ZNF385D: variants seen among roughly 807,000 people sequenced by gnomAD.
The protein encoded by ZNF385D is zinc finger protein 659.
A neutral mutation model predicts 35.8 loss-of-function variants in ZNF385D; 15 were observed. The observed-to-expected ratio is 0.42, with a 90% CI of 0.28 to 0.64. The LOEUF is 0.64. ZNF385D is among the 30% of genes least tolerant of loss of function. The pLI, the probability that ZNF385D is intolerant of heterozygous loss-of-function variation, is 0.23. For missense variants in ZNF385D, 474 were observed against 494.6 expected, an observed-to-expected ratio of 0.96 and a Z score of 0.39; for synonymous variants, 212 against 186.8, an observed-to-expected ratio of 1.13 and a Z score of -1.10.
At chr3:21,866,996 A>G (rs560135193) in intron 3 of ZNF385D, among the ~76,000 whole-genome samples, 3 of 152,212 alleles carry the variant, frequency 2.0e-5, no homozygotes, top group East Asian at 1.9e-4. Context: ...ATAACAGAAC[A>G]CCTGACACTT....
At chr3:21,573,353 A>T (rs954091131) in intron 2 of ZNF385D, among the ~76,000 whole-genome samples, 21 of 151,580 alleles carry the variant, frequency 1.4e-4, no homozygotes, top group African/African-American at 3.9e-4. Context: ...AAAATTTAAA[A>T]TAACAAGATT....
intron 1 of ZNF385D, among the ~76,000 whole-genome samples, chr3:21,703,565 A>G (rs1008021734): frequency 3.3e-5 from 5 of 152,082 alleles, no homozygotes; most frequent in African/African-American, 9.7e-5. Context: ...CAGTTTCAGC[A>G]CGCCATTTAT....
intron 3 of ZNF385D, among the ~76,000 whole-genome samples, chr3:21,839,150 C>T (rs566795985): frequency 6.6e-6 from 1 of 152,222 alleles, no homozygotes; most frequent in South Asian, 2.1e-4. Flanking sequence ...GTCTTTCTAA[C>T]TCCAAGCCTT....
chr3:22,349,938 A>T (rs144536923), intron 2 of ZNF385D, among the ~76,000 whole-genome samples: 1 of 152,206 alleles, frequency 6.6e-6, no homozygotes, highest in Non-Finnish European at 1.5e-5. Flanking sequence ...GCAAAAGATT[A>T]CAAGTGTGAA....
At chr3:21,554,181 TA>T (rs1405223750) in intron 3 of ZNF385D, among the ~76,000 whole-genome samples, 1 of 152,124 alleles carries the variant, frequency 6.6e-6, no homozygotes, top group Non-Finnish European at 1.5e-5. Context: ...ATATATTTCT[TA>T]AATAATAAGA....
chr3:21,988,582 C>T (rs1297039216), intron 3 of ZNF385D, among the ~76,000 whole-genome samples: 4 of 150,590 alleles, frequency 2.7e-5, no homozygotes, highest in Non-Finnish European at 5.9e-5. Context: ...AGCTGTCAGA[C>T]AGGGACATTT....
intron 1 of ZNF385D, among the ~76,000 whole-genome samples, chr3:21,738,093 A>G (rs1388812825): frequency 6.6e-6 from 1 of 152,222 alleles, no homozygotes; most frequent in African/African-American, 2.4e-5. Flanking sequence ...TCTCAGCCTC[A>G]GGCCCCACCT....
chr3:22,319,060 A>G (rs1470228469), intron 2 of ZNF385D, among the ~76,000 whole-genome samples: 1 of 152,174 alleles, frequency 6.6e-6, no homozygotes. Flanking sequence ...CATTTCATAA[A>G]ATATATCAAA....
At chr3:21,756,953 T>A (rs541399969) in intron 3 of ZNF385D, among the ~76,000 whole-genome samples, 2 of 152,254 alleles carry the variant, frequency 1.3e-5, no homozygotes, top group South Asian at 4.1e-4. Flanking sequence ...ATGACCAAAT[T>A]CTTACTTGAT....
intron 3 of ZNF385D, among the ~76,000 whole-genome samples, chr3:22,110,678 A>G (rs1702473842): frequency 6.6e-6 from 1 of 151,888 alleles, no homozygotes; most frequent in South Asian, 2.1e-4. Context: ...TTGGAGATAC[A>G]CCTAATGTTA....
intron 2 of ZNF385D, among the ~76,000 whole-genome samples, chr3:22,226,494 C>T (rs1021932816): frequency 6.6e-6 from 1 of 152,118 alleles, no homozygotes; most frequent in African/African-American, 2.4e-5. Flanking sequence ...TTTTGTTCTC[C>T]TATCTATAGG....
Position 21,864,241 on chromosome 3 carries a change from G to T in ZNF385D, c.326-199213C>A, listed in dbSNP as rs115418584. On this transcript the variant is annotated intron_variant, in intron 3 of 5. Coordinates refer to the ZNF385D transcript ENST00000494108. ...TTTAAAGAAAAGGCATGTGACATTT[G>T]ATCCTTATCATGAAGTTCATGAAGT... Among the ~76,000 whole-genome samples, 615 of 152,196 alleles carry T rather than the reference G, an allele frequency of 4.0e-3. 4 individuals are homozygous for T. The highest frequency in any genetic ancestry group is 7.3e-3 in the Non-Finnish European group (496 of 68,000).
chr3:21,825,284 T>G (rs1352005712), intron 3 of ZNF385D, among the ~76,000 whole-genome samples: 1 of 152,190 alleles, frequency 6.6e-6, no homozygotes, highest in Non-Finnish European at 1.5e-5. Context: ...TGCATCTAAC[T>G]CATGTATCAC....
At chr3:22,040,102 G>A (rs1353954016) in intron 3 of ZNF385D, among the ~76,000 whole-genome samples, 2 of 152,144 alleles carry the variant, frequency 1.3e-5, no homozygotes, top group Non-Finnish European at 2.9e-5. Flanking sequence ...CTCTTCTTGA[G>A]TTTCTGCAAC....
intron 2 of ZNF385D, among the ~76,000 whole-genome samples, chr3:22,174,845 T>C (rs544838316): frequency 6.6e-6 from 1 of 152,150 alleles, no homozygotes; most frequent in Non-Finnish European, 1.5e-5. Context: ...TTTAGTAATA[T>C]TTATACAGAA....
At chr3:22,371,367 A>T (rs1559546899) in intron 2 of ZNF385D, among the ~76,000 whole-genome samples, 1 of 151,952 alleles carries the variant, frequency 6.6e-6, no homozygotes, top group Non-Finnish European at 1.5e-5. Flanking sequence ...GAATTAGCAT[A>T]GAACAGCGCC....
At chr3:22,372,435 T>A in intron 2 of ZNF385D, 1 of 985,466 alleles carries the variant, frequency 1.0e-6, no homozygotes, top group Non-Finnish European at 1.2e-6. Flanking sequence ...ACACCTCTTT[T>A]TGCACTCAAC....
chr3:22,198,995 C>T (rs1211580106), intron 2 of ZNF385D, among the ~76,000 whole-genome samples: 1 of 152,056 alleles, frequency 6.6e-6, no homozygotes, highest in African/African-American at 2.4e-5. Flanking sequence ...ACATCTACTA[C>T]TGTTTAATAA....
intron 2 of ZNF385D, among the ~76,000 whole-genome samples, chr3:22,294,446 AC>A (rs1408188361): frequency 6.6e-6 from 1 of 151,902 alleles, no homozygotes; most frequent in African/African-American, 2.4e-5. Flanking sequence ...ATGTGGGTCC[AC>A]CCCCGCATAT....
Sources: allele counts gnomAD v4.1 joint callset (sites outside exome capture counted in the v4.1 genomes callset), GRCh38; gene constraint gnomAD v4.1.1; transcripts MANE v1.5; gene names NCBI Gene and HGNC (gene_info 2026-07-23, HGNC 2026-07-21).